ATP11C: variants seen among roughly 807,000 people sequenced by gnomAD.
The protein encoded by ATP11C is phospholipid-transporting ATPase IG.
A neutral mutation model predicts 97.4 loss-of-function variants in ATP11C; 36 were observed. The ratio of observed to expected loss-of-function variants is 0.37; its 90% CI spans 0.28 to 0.49. The LOEUF (loss-of-function observed/expected upper bound fraction) is 0.49. Ranked by LOEUF, ATP11C falls within the 20% of genes least tolerant of loss-of-function variation. The probability of loss-of-function intolerance (pLI) is 0.98; values close to 1 mark genes in which losing one functional copy is unlikely to be tolerated. For missense variants in ATP11C, 730 were observed against 824.6 expected (o/e 0.89, Z 1.40); for synonymous variants, 275 against 290.9 (o/e 0.95, Z 0.56).
At chrX:139,896,284 C>CA (rs2084803506) in intron 1 of ATP11C, among the ~76,000 whole-genome samples, 1 of 110,204 alleles carries the variant, frequency 9.1e-6, no homozygotes, top group Non-Finnish European at 1.9e-5. Flanking sequence ...CCCCAAAATC[C>CA]ACAACTCACA....
rs149175669 is a variant in ATP11C at position 139,824,927 on chromosome X, A to G, written c.147+1777T>C. Among the ~76,000 whole-genome samples the G allele has an allele frequency of 6.4e-3, 718 of 111,916 alleles. 2 individuals carry two copies. The highest frequency in any genetic ancestry group is 9.7e-3 in the Non-Finnish European group (517 of 53,255). On this transcript the variant is annotated intron_variant, in intron 2 of 29. Coordinates refer to ENST00000682941, the MANE Select transcript of ATP11C (RefSeq NM_001353812.2). ...ATTCTATAAACAGTATATTTTGAAA[A>G]AATAATCCTTTAAAAAATTCTGGTA...
At chrX:139,851,961 A>C (rs1300852862) in intron 1 of ATP11C, among the ~76,000 whole-genome samples, 1 of 110,219 alleles carries the variant, frequency 9.1e-6, no homozygotes, top group Non-Finnish European at 1.9e-5. Flanking sequence ...TCATGCCTTG[A>C]GTCTCTCATC....
chrX:139,782,785 A>AC, intron 17 of ATP11C, 57 bp from the exon 18 acceptor site: 1 of 894,525 alleles, frequency 1.1e-6, no homozygotes, highest in South Asian at 2.4e-5. Context: ...AAAAAAAAAA[A>AC]ACACACTCTG....
At chrX:139,771,654 C>A (rs1197573815) in intron 19 of ATP11C, among the ~76,000 whole-genome samples, 3 of 111,344 alleles carry the variant, frequency 2.7e-5, no homozygotes, top group Non-Finnish European at 5.7e-5. Flanking sequence ...TGTTGGGAAC[C>A]GGAGCAAAGG....
chrX:139,886,170 T>C (rs773900236), intron 1 of ATP11C, among the ~76,000 whole-genome samples: 1 of 111,842 alleles, frequency 8.9e-6, no homozygotes, highest in Admixed American at 9.5e-5. Context: ...ATATAATTAG[T>C]GACTGGCAAA....
intron 20 of ATP11C, among the ~76,000 whole-genome samples, chrX:139,767,287 G>C (rs192433403): frequency 1.8e-5 from 2 of 111,712 alleles, no homozygotes; most frequent in Admixed American, 1.9e-4. Context: ...TAGTCTGTGT[G>C]TAAAGTCATA....
At chrX:139,886,905 T>TA (rs201511379) in intron 1 of ATP11C, among the ~76,000 whole-genome samples, 5,666 of 103,763 alleles carry the variant, frequency 0.055, 254 homozygotes, top group East Asian at 0.3. Flanking sequence ...AACAATTTTG[T>TA]AAAAAAAAAA....
chrX:139,934,497 C>G (rs1462842914), upstream of ATP11C, among the ~76,000 whole-genome samples: 2 of 108,516 alleles, frequency 1.8e-5, no homozygotes, highest in Admixed American at 2.0e-4. Flanking sequence ...AAGTTTTGCT[C>G]TCTACTGCTT....
chrX:139,756,968 TAA>T (rs756085784), intron 23 of ATP11C, among the ~76,000 whole-genome samples: 4 of 37,259 alleles, frequency 1.1e-4, no homozygotes, highest in Non-Finnish European at 1.6e-4. Flanking sequence ...AACCTAAAAG[TAA>T]AAAAAAAAAA....
intron 1 of ATP11C, among the ~76,000 whole-genome samples, chrX:139,852,156 A>G (rs183980954): frequency 1.1e-3 from 122 of 110,381 alleles, no homozygotes; most frequent in African/African-American, 3.9e-3. Context: ...AGAAAAAAGA[A>G]AAAAAACCCA....
At chrX:139,907,824 A>G (rs1001437648) in intron 1 of ATP11C, among the ~76,000 whole-genome samples, 7 of 110,328 alleles carry the variant, frequency 6.3e-5, no homozygotes, top group Non-Finnish European at 7.6e-5. Flanking sequence ...CCAAACGTCT[A>G]TAATTTTTTG....
intron 1 of ATP11C, among the ~76,000 whole-genome samples, chrX:139,928,531 T>C (rs2085387694): frequency 8.9e-6 from 1 of 112,131 alleles, no homozygotes; most frequent in East Asian, 2.8e-4. Context: ...ATTGCCTCCA[T>C]ATATTGCTTC....
chrX:139,797,357 C>T, intron 10 of ATP11C, 31 bp from the exon 11 acceptor site: 1 of 1,067,464 alleles, frequency 9.4e-7, no homozygotes, highest in Non-Finnish European at 1.3e-6. Flanking sequence ...GATTTTAAAA[C>T]CAAAGACATC....
intron 1 of ATP11C, among the ~76,000 whole-genome samples, chrX:139,903,827 T>C (rs1215720823): frequency 9.0e-6 from 1 of 110,709 alleles, no homozygotes; most frequent in Non-Finnish European, 1.9e-5. Context: ...TATTCTGTTA[T>C]AGCAGCCTGA....
chrX:139,910,722 A>G, intron 1 of ATP11C, among the ~76,000 whole-genome samples: 1 of 111,519 alleles, frequency 9.0e-6, no homozygotes, highest in Non-Finnish European at 1.9e-5. Context: ...TAGGAGATCT[A>G]AAGTGACCTT....
chrX:139,864,666 C>T (rs2084254520), intron 1 of ATP11C, among the ~76,000 whole-genome samples: 1 of 112,090 alleles, frequency 8.9e-6, no homozygotes, highest in African/African-American at 3.2e-5. Flanking sequence ...TTTCCATCAC[C>T]ATCACCCACG....
intron 28 of ATP11C, among the ~76,000 whole-genome samples, chrX:139,733,693 G>A (rs1219332417): frequency 2.7e-5 from 3 of 111,224 alleles, no homozygotes; most frequent in Non-Finnish European, 1.9e-5. Context: ...AAAACCCTGC[G>A]ACAAGATCAG....
chrX:139,822,666 G>A (rs776998889), intron 2 of ATP11C, among the ~76,000 whole-genome samples: 2 of 109,662 alleles, frequency 1.8e-5, no homozygotes, highest in South Asian at 4.1e-4. Context: ...TGCCCGCCTC[G>A]GCCTCCCAAA....
At chrX:139,824,360 G>A (rs138032689) in intron 2 of ATP11C, among the ~76,000 whole-genome samples, 9,713 of 108,565 alleles carry the variant, frequency 0.089, 461 homozygotes, top group African/African-American at 0.18. Flanking sequence ...GGCTGTAGAG[G>A]CCAAATTTTT....
Sources: allele counts gnomAD v4.1 joint callset (sites outside exome capture counted in the v4.1 genomes callset), GRCh38; gene constraint gnomAD v4.1.1; transcripts MANE v1.5; gene names NCBI Gene and HGNC (gene_info 2026-07-23, HGNC 2026-07-21).